METTL25: variants seen among roughly 807,000 people sequenced by gnomAD.
METTL25 encodes the protein methyltransferase like 25, also known as probable methyltransferase-like protein 25.
In METTL25, 64 loss-of-function variants were observed where a neutral mutation model predicts 71.6. That is an observed-to-expected ratio of 0.89 (90% confidence interval 0.73 to 1.10). METTL25 has a LOEUF of 1.10. Ranked by LOEUF, METTL25 falls within the 50% of genes least tolerant of loss-of-function variation. The pLI, the probability that METTL25 is intolerant of heterozygous loss-of-function variation, is 0.00. For missense variants in METTL25, 807 were observed against 707.0 expected (o/e 1.14, Z -1.60); for synonymous variants, 287 against 250.3 (o/e 1.15, Z -1.38).
chr12:82,360,118 A>T (rs1356093771), intron 1 of METTL25, among the ~76,000 whole-genome samples: 2 of 152,222 alleles, frequency 1.3e-5, no homozygotes, highest in Admixed American at 1.3e-4. Context: ...GAATGGAGGA[A>T]TTAATGAGTT....
intron 8 of METTL25, among the ~76,000 whole-genome samples, chr12:82,452,571 A>C (rs1157116267): frequency 1.3e-5 from 2 of 152,232 alleles, no homozygotes; most frequent in Non-Finnish European, 2.9e-5. Flanking sequence ...ACCCTTCTAA[A>C]TACTAATGAA....
chr12:82,376,310 T>G (rs1053863709), intron 1 of METTL25, among the ~76,000 whole-genome samples: 3 of 152,220 alleles, frequency 2.0e-5, no homozygotes, highest in Non-Finnish European at 2.9e-5. Context: ...ATTAAAAACA[T>G]GTACATCTCT....
intron 5 of METTL25, among the ~76,000 whole-genome samples, chr12:82,427,044 C>G (rs566204041): frequency 6.6e-6 from 1 of 151,994 alleles, no homozygotes; most frequent in African/African-American, 2.4e-5. Flanking sequence ...TCTCCATAAG[C>G]GCTTGGTTTT....
chr12:82,361,120 C>T (rs746764652), intron 1 of METTL25, among the ~76,000 whole-genome samples: 1 of 152,050 alleles, frequency 6.6e-6, no homozygotes, highest in East Asian at 1.9e-4. Context: ...GTCCATTTTA[C>T]AGAGAGCTGA....
chr12:82,391,661 G>A (rs1267953060), intron 3 of METTL25, among the ~76,000 whole-genome samples: 1 of 149,992 alleles, frequency 6.7e-6, no homozygotes, highest in Non-Finnish European at 1.5e-5. Context: ...CCGTATTTTG[G>A]CTATTATGAA....
intron 2 of METTL25, among the ~76,000 whole-genome samples, chr12:82,387,828 C>T (rs956636517): frequency 5.9e-5 from 9 of 152,054 alleles, no homozygotes; most frequent in African/African-American, 2.2e-4. Context: ...GGGCATTTTC[C>T]TACACATCTC....
rs548694260 is a variant in METTL25, at chr12:82,379,076, A to C, written c.260-7727A>C. ...AATAATAAACAAATTGACAAGTCTT[A>C]ATTATTTTTGGAAGCCCAAAAGTCT... On this transcript the variant is annotated intron_variant, in intron 1 of 11. Transcript: ENST00000248306. Among the ~76,000 whole-genome samples, 157 of 152,268 alleles carry C rather than the reference A, an allele frequency of 1.0e-3. 1 individual carries two copies. The highest frequency in any genetic ancestry group is 3.7e-3 in the African/African-American group (153 of 41,556).
At chr12:82,420,568 G>A in intron 5 of METTL25, among the ~76,000 whole-genome samples, 1 of 152,040 alleles carries the variant, frequency 6.6e-6, no homozygotes, top group East Asian at 1.9e-4. Flanking sequence ...TACATATCAG[G>A]TGTGAATTGT....
chr12:82,456,916 T>G (rs1260818946), intron 9 of METTL25, 96 bp downstream of exon 9: 1 of 535,362 alleles, frequency 1.9e-6, no homozygotes, highest in Non-Finnish European at 3.0e-6. Flanking sequence ...CTTCTAATTT[T>G]CTCTCATTTG....
At chr12:82,372,803 C>T (rs1883382258) in intron 1 of METTL25, among the ~76,000 whole-genome samples, 1 of 152,132 alleles carries the variant, frequency 6.6e-6, no homozygotes, top group Non-Finnish European at 1.5e-5. Flanking sequence ...CTCCCCCTGC[C>T]CAAGAACCCA....
intron 5 of METTL25, among the ~76,000 whole-genome samples, chr12:82,422,325 A>T (rs1439426906): frequency 6.6e-6 from 1 of 152,202 alleles, no homozygotes; most frequent in Non-Finnish European, 1.5e-5. Context: ...GATGCAGAAA[A>T]GGCCTTCGAC....
intron 9 of METTL25, among the ~76,000 whole-genome samples, chr12:82,473,880 T>G (rs1373721866): frequency 6.6e-6 from 1 of 152,106 alleles, no homozygotes; most frequent in Non-Finnish European, 1.5e-5. Flanking sequence ...GCAGCTTAGG[T>G]TGTGGCAGTC....
Position 82,358,663 on chromosome 12 carries a change from T to C in METTL25, c.98T>C (p.Ile33Thr), listed in dbSNP as rs762869759. 8.7e-6 allele frequency: 14 copies of C among 1,614,164 alleles called. No individual in the cohort carries two copies. Among genetic ancestry groups the C allele is most frequent in the Non-Finnish European group, 1.1e-5 (13 of 1,180,038 alleles). The change falls in exon 1 of 12, where the codon ATT (isoleucine) becomes ACT (threonine). Residue 33 changes from isoleucine (I) to threonine (T), a missense_variant. Coordinates refer to ENST00000248306, the MANE Select transcript of METTL25 (RefSeq NM_032230.3). ...CAGTTCCTGAGGGATGCCCTGTCCA[T>C]TTCCAATGCACATACCGTGGATTTC... is the stretch of plus-strand genomic sequence containing the variant. Reference protein sequence around the residue: ...LLQFLRDALSISNAHTVDFYT... With the variant: ...LLQFLRDALSTSNAHTVDFYT...
chr12:82,374,945 G>C (rs1002486206), intron 1 of METTL25, among the ~76,000 whole-genome samples: 1 of 152,178 alleles, frequency 6.6e-6, no homozygotes. Flanking sequence ...TAGAAAGGAA[G>C]TGATAGTTTT....
intron 5 of METTL25, among the ~76,000 whole-genome samples, chr12:82,423,478 A>T (rs1888706035): frequency 6.6e-6 from 1 of 152,230 alleles, no homozygotes; most frequent in South Asian, 2.1e-4. Flanking sequence ...GGACATAGGC[A>T]TGGGCAAGGA....
At chr12:82,445,927 A>G (rs1890704901) in intron 8 of METTL25, among the ~76,000 whole-genome samples, 1 of 152,212 alleles carries the variant, frequency 6.6e-6, no homozygotes, top group Non-Finnish European at 1.5e-5. Context: ...CTTCCGGTCA[A>G]AAGTACACTA....
intron 1 of METTL25, among the ~76,000 whole-genome samples, chr12:82,376,007 T>A (rs774435469): frequency 3.9e-5 from 6 of 152,214 alleles, no homozygotes; most frequent in Non-Finnish European, 5.9e-5. Flanking sequence ...CAAAACAAAA[T>A]GGAAGATGAA....
chr12:82,420,710 A>G (rs1888398325), intron 5 of METTL25, among the ~76,000 whole-genome samples: 1 of 152,188 alleles, frequency 6.6e-6, no homozygotes. Flanking sequence ...GTGTGAAATG[A>G]AGCTGGCAAA....
intron 2 of METTL25, 87 bp downstream of exon 2, chr12:82,387,054 T>A: frequency 9.3e-7 from 1 of 1,079,666 alleles, no homozygotes; most frequent in Non-Finnish European, 1.3e-6. Context: ...TCCAAAATAT[T>A]ATTAATTTAT....
Sources: allele counts gnomAD v4.1 joint callset (sites outside exome capture counted in the v4.1 genomes callset), GRCh38; gene constraint gnomAD v4.1.1; transcripts MANE v1.5; gene names NCBI Gene and HGNC (gene_info 2026-07-23, HGNC 2026-07-21).